The following CDH20 variants were observed in gnomAD, a reference collection of about 807,000 sequenced individuals.
CDH20 encodes cadherin 20.
Under a neutral mutation model 74.2 loss-of-function variants are expected in CDH20, and 29 were observed. The ratio of observed to expected loss-of-function variants is 0.39; its 90% CI spans 0.29 to 0.53. The LOEUF is 0.53. Among genes scored for constraint, CDH20 ranks in the 20% least tolerant of loss-of-function variants. The pLI, the probability that CDH20 is intolerant of heterozygous loss-of-function variation, is 0.69. For synonymous variants in CDH20, 469 were observed against 405.4 expected (o/e 1.16, Z -1.88); for missense variants, 988 against 1,048.3 (o/e 0.94, Z 0.79).
At chr18:61,394,606 C>T (rs1038057211) in intron 1 of CDH20, among the ~76,000 whole-genome samples, 24 of 152,170 alleles carry the variant, frequency 1.6e-4, no homozygotes, top group African/African-American at 5.8e-4. Context: ...GGAATTCCAA[C>T]CTCCAGAACT....
intron 1 of CDH20, among the ~76,000 whole-genome samples, chr18:61,348,296 T>C (rs1195247771): frequency 6.6e-6 from 1 of 152,208 alleles, no homozygotes; most frequent in Non-Finnish European, 1.5e-5. Flanking sequence ...CAAAAGATGG[T>C]TCAAAATCAC....
intron 1 of CDH20, among the ~76,000 whole-genome samples, chr18:61,460,614 G>A (rs1909734540): frequency 6.6e-6 from 1 of 152,160 alleles, no homozygotes; most frequent in African/African-American, 2.4e-5. Flanking sequence ...ACGCATGACA[G>A]ACACCCATGG....
At chr18:61,538,604 TTTTGTTTTTGTTTTTGTTTTG>T (rs1912902563) in intron 8 of CDH20, among the ~76,000 whole-genome samples, 1 of 43,470 alleles carries the variant, frequency 2.3e-5, no homozygotes, top group African/African-American at 7.9e-5. Context: ...TTGTTTTTGT[TTTTGTTTTTGTTTTTGTTTTG>T]TTTTTTTTTT....
chr18:61,500,742 A>C (rs547349722), intron 4 of CDH20, among the ~76,000 whole-genome samples: 27 of 152,334 alleles, frequency 1.8e-4, no homozygotes, highest in African/African-American at 6.5e-4. Context: ...CTGCGCAAAC[A>C]CACACAAAAT....
chr18:61,420,883 G>A (rs943826846), intron 1 of CDH20, among the ~76,000 whole-genome samples: 2 of 152,070 alleles, frequency 1.3e-5, no homozygotes, highest in African/African-American at 4.8e-5. Flanking sequence ...GCAAAACCCT[G>A]TCTCTACTAA....
Position 61,544,596 on chromosome 18 carries a change from G to GT in CDH20, c.1531-430dup, listed in dbSNP as rs552674064. On this transcript the variant is annotated intron_variant, in intron 9 of 11. Transcript: ENST00000262717. Reference sequence around the variant, plus strand: ...CCAGTGGCCAGATTCTTCTCCAACTGTCCCGGGCTGAACTTCCCTTGGCAT... The same window carrying GT: ...CCAGTGGCCAGATTCTTCTCCAACTGTTCCCGGGCTGAACTTCCCTTGGCAT... Among the ~76,000 whole-genome samples the GT allele has an allele frequency of 2.6e-5, 4 of 152,258 alleles. No individual in the cohort carries two copies. In the South Asian group the frequency reaches 8.3e-4, roughly 32 times the overall value.
intron 1 of CDH20, among the ~76,000 whole-genome samples, chr18:61,442,634 G>A (rs1425325116): frequency 6.6e-6 from 1 of 152,180 alleles, no homozygotes; most frequent in Non-Finnish European, 1.5e-5. Context: ...TAAAACTGCA[G>A]ACTATTATGT....
At chr18:61,388,354 C>A (rs562780775) in intron 1 of CDH20, among the ~76,000 whole-genome samples, 2 of 152,298 alleles carry the variant, frequency 1.3e-5, no homozygotes, top group East Asian at 1.9e-4. Flanking sequence ...CAATTGTCAA[C>A]CCCTTCCAAC....
chr18:61,487,807 G>A (rs1043728609), intron 1 of CDH20, among the ~76,000 whole-genome samples: 1 of 152,118 alleles, frequency 6.6e-6, no homozygotes, highest in African/African-American at 2.4e-5. Flanking sequence ...GGGATAGGGG[G>A]TTTTAATTGG....
chr18:61,418,542 A>G (rs1599071593), intron 1 of CDH20, among the ~76,000 whole-genome samples: 1 of 125,946 alleles, frequency 7.9e-6, no homozygotes, highest in East Asian at 2.7e-4. Flanking sequence ...CGACAGAGCG[A>G]GACTCTGTCT....
chr18:61,485,682 A>G (rs1467238964), intron 1 of CDH20, among the ~76,000 whole-genome samples: 1 of 152,222 alleles, frequency 6.6e-6, no homozygotes, highest in East Asian at 1.9e-4. Context: ...AAAACATGAC[A>G]GTATATCATA....
chr18:61,371,162 G>A (rs1216340335), intron 1 of CDH20, among the ~76,000 whole-genome samples: 1 of 152,002 alleles, frequency 6.6e-6, no homozygotes, highest in East Asian at 1.9e-4. Context: ...TTTTAAAAGG[G>A]GCAGAGAGGA....
chr18:61,528,753 A>G (rs1370683621), intron 7 of CDH20, among the ~76,000 whole-genome samples: 1 of 152,148 alleles, frequency 6.6e-6, no homozygotes, highest in African/African-American at 2.4e-5. Context: ...GTTAAAATCC[A>G]TTGACTCTCA....
At chr18:61,508,779 G>A (rs964052085) in intron 6 of CDH20, among the ~76,000 whole-genome samples, 2 of 152,142 alleles carry the variant, frequency 1.3e-5, no homozygotes, top group Non-Finnish European at 2.9e-5. Flanking sequence ...TGGGACTACA[G>A]GGGCACACTG....
chr18:61,479,901 C>T (rs1307942371), intron 1 of CDH20, among the ~76,000 whole-genome samples: 1 of 152,100 alleles, frequency 6.6e-6, no homozygotes, highest in African/African-American at 2.4e-5. Flanking sequence ...TACCATTTTG[C>T]TAAAATACAC....
intron 1 of CDH20, among the ~76,000 whole-genome samples, chr18:61,455,596 T>G (rs1909546467): frequency 6.6e-6 from 1 of 151,734 alleles, no homozygotes; most frequent in Non-Finnish European, 1.5e-5. Context: ...CTACTAACCT[T>G]AAGGAGGCAC....
At chr18:61,500,838 G>C (rs1911353709) in intron 4 of CDH20, among the ~76,000 whole-genome samples, 1 of 152,206 alleles carries the variant, frequency 6.6e-6, no homozygotes, top group Admixed American at 6.5e-5. Context: ...AGACCCAACA[G>C]GATTGACACA....
intron 1 of CDH20, among the ~76,000 whole-genome samples, chr18:61,403,111 G>A (rs1347310750): frequency 6.6e-6 from 1 of 152,122 alleles, no homozygotes; most frequent in Non-Finnish European, 1.5e-5. Context: ...GTGTCAGTAT[G>A]TACTGGCTTT....
intron 4 of CDH20, 146 bp downstream of exon 4, chr18:61,500,648 G>A: frequency 1.3e-6 from 1 of 764,952 alleles, no homozygotes; most frequent in Non-Finnish European, 2.0e-6. Flanking sequence ...GATTAAGAGA[G>A]CAAACTAGCA....
Sources: gnomAD v4.1 joint callset for allele counts (sites outside exome capture counted in the v4.1 genomes callset) on GRCh38, gnomAD v4.1.1 for gene constraint, MANE v1.5 for transcripts, NCBI Gene and HGNC (gene_info 2026-07-23, HGNC 2026-07-21) for gene names.